MRTFB: variants seen among roughly 807,000 people sequenced by gnomAD.
MRTFB encodes myocardin-related transcription factor B.
In MRTFB, 29 loss-of-function variants were observed where a neutral mutation model predicts 104.2. That is an observed-to-expected ratio of 0.28 (90% CI 0.21 to 0.38). The LOEUF (loss-of-function observed/expected upper bound fraction) is 0.38, where lower values mean the gene tolerates loss of function less well. MRTFB is among the 10% of genes least tolerant of loss of function. The pLI is 1.00. For missense variants in MRTFB, 1,270 were observed against 1,341.6 expected, an observed-to-expected ratio of 0.95 and a Z score of 0.83; for synonymous variants, 535 against 519.5, an observed-to-expected ratio of 1.03 and a Z score of -0.41.
the MRTFB span, among the ~76,000 whole-genome samples, chr16:14,035,472 TAGGAGTAG>T: frequency 2.0e-5 from 3 of 152,330 alleles, no homozygotes; most frequent in Admixed American, 2.0e-4. Context: ...TGGCTTTTGA[TAGGAGTAG>T]AGTGGCAGTC....
At position 14,218,875 on chromosome 16, in the gene MRTFB, C is replaced by T. The variant is rs750206940; in HGVS notation, c.570C>T (p.Asp190=). 3 of 1,613,974 alleles carry T rather than the reference C, an allele frequency of 1.9e-6. No individual in the cohort carries two copies. The highest frequency in any genetic ancestry group is 2.2e-5 in the East Asian group (1 of 44,878). ...AGGGCGATTTCTCATTTGATGAAGA[C>T]AGCAGTGACGCTTTGTCTCCGGACC... ...HTQGDFSFDE[D]SSDALSPDQP... Residue 190 remains aspartate, a synonymous_variant, in exon 8 of 17, where the codon GAC becomes GAT. Coordinates refer to ENST00000571589, the MANE Select transcript of MRTFB (RefSeq NM_001308142.2).
chr16:14,026,705 T>G, the MRTFB span, among the ~76,000 whole-genome samples: 1 of 152,092 alleles, frequency 6.6e-6, no homozygotes, highest in Non-Finnish European at 1.5e-5. Flanking sequence ...ACTCAGTGGT[T>G]GAAAATAAGA....
the MRTFB span, among the ~76,000 whole-genome samples, chr16:14,052,030 G>A: frequency 6.6e-6 from 1 of 152,170 alleles, no homozygotes; most frequent in Non-Finnish European, 1.5e-5. Context: ...GAAAAGACCA[G>A]CAGAGAGACT....
rs778733983 is a variant in MRTFB at position 14,252,029 on chromosome 16, C to A, written c.2565+6C>A. ...GACCTAACACACCCAACAAGGTAAC[C>A]CTGTGAGGCTTGTGTGTCAGTGACA... On this transcript the variant is annotated splice_donor_region_variant and intron_variant, in intron 14 of 16. Transcript: ENST00000571589. The A allele has an allele frequency of 2.7e-5, 44 of 1,613,330 alleles. 1 individual carries two copies. In the Admixed American group the frequency reaches 7.3e-4, roughly 27 times the overall value.
chr16:14,001,003 ATGT>A, the MRTFB span, among the ~76,000 whole-genome samples: 46 of 152,230 alleles, frequency 3.0e-4, no homozygotes, highest in African/African-American at 9.9e-4. Context: ...GATCATCTAA[ATGT>A]TGGAGCTTCC....
the MRTFB span, among the ~76,000 whole-genome samples, chr16:14,032,377 GT>G: frequency 1.3e-5 from 2 of 152,216 alleles, no homozygotes; most frequent in Non-Finnish European, 2.9e-5. Flanking sequence ...TGCTAGGAGA[GT>G]GATGTGTTCA....
chr16:14,040,028 G>A, the MRTFB span, among the ~76,000 whole-genome samples: 21 of 152,282 alleles, frequency 1.4e-4, no homozygotes, highest in South Asian at 2.1e-4. Context: ...GATTATAGGC[G>A]TGAGCCACCG....
At chr16:14,085,825 A>C (rs931971507) in intron 2 of MRTFB, among the ~76,000 whole-genome samples, 1 of 152,230 alleles carries the variant, frequency 6.6e-6, no homozygotes, top group Non-Finnish European at 1.5e-5. Flanking sequence ...AATTATAGTG[A>C]TACTTGCTAC....
intron 3 of MRTFB, among the ~76,000 whole-genome samples, chr16:14,190,060 C>T (rs1239759938): frequency 6.6e-6 from 1 of 152,164 alleles, no homozygotes; most frequent in Admixed American, 6.5e-5. Flanking sequence ...CATCACAGTG[C>T]AGAGAATTGT....
the MRTFB span, among the ~76,000 whole-genome samples, chr16:14,029,415 AAAAAAT>A: frequency 2.9e-5 from 2 of 67,894 alleles, no homozygotes; most frequent in African/African-American, 8.1e-5. Context: ...TAAAAAAAAA[AAAAAAT>A]ATATATATAT....
intron 5 of MRTFB, among the ~76,000 whole-genome samples, chr16:14,212,810 C>T (rs1246437137): frequency 6.6e-6 from 1 of 152,160 alleles, no homozygotes; most frequent in Non-Finnish European, 1.5e-5. Context: ...TCTTTGTTAC[C>T]TGTACATTTG....
chr16:14,137,103 G>A (rs1007037439), intron 2 of MRTFB, among the ~76,000 whole-genome samples: 1 of 152,012 alleles, frequency 6.6e-6, no homozygotes, highest in Non-Finnish European at 1.5e-5. Flanking sequence ...AATTATTGAC[G>A]ACTATACAGA....
intron 2 of MRTFB, among the ~76,000 whole-genome samples, chr16:14,114,767 G>A (rs1265600213): frequency 2.0e-5 from 3 of 152,092 alleles, no homozygotes; most frequent in East Asian, 1.9e-4. Context: ...TTGGGTCCCC[G>A]CTGCTGTGTA....
intron 1 of MRTFB, among the ~76,000 whole-genome samples, chr16:14,073,374 C>A (rs555784716): frequency 6.6e-6 from 1 of 152,278 alleles, no homozygotes; most frequent in East Asian, 1.9e-4. Flanking sequence ...GGGGGCAGTT[C>A]CAGCTCCTTG....
At chr16:14,111,791 G>A (rs903534727) in intron 2 of MRTFB, among the ~76,000 whole-genome samples, 6 of 152,066 alleles carry the variant, frequency 3.9e-5, no homozygotes, top group Admixed American at 2.6e-4. Flanking sequence ...GTCCTCTGGC[G>A]CCTCTTTCTA....
At chr16:14,033,835 C>CAA in the MRTFB span, among the ~76,000 whole-genome samples, 33 of 90,308 alleles carry the variant, frequency 3.7e-4, no homozygotes, top group Non-Finnish European at 4.2e-4. Context: ...GACTCAGTCT[C>CAA]AAAAAAAAAA....
At chr16:14,246,394 C>T in intron 11 of MRTFB, 79 bp from the exon 12 acceptor site, 1 of 1,425,520 alleles carries the variant, frequency 7.0e-7, no homozygotes, top group East Asian at 2.3e-5. Context: ...GACATAGGCA[C>T]CTTTCCCATC....
chr16:14,103,543 C>T (rs2035810292), intron 2 of MRTFB, among the ~76,000 whole-genome samples: 1 of 152,070 alleles, frequency 6.6e-6, no homozygotes, highest in Non-Finnish European at 1.5e-5. Flanking sequence ...CTTTATGGGA[C>T]CCTGGAATAC....
upstream of MRTFB, among the ~76,000 whole-genome samples, chr16:14,067,351 AAGC>A (rs2033535442): frequency 6.6e-6 from 1 of 151,598 alleles, no homozygotes; most frequent in Non-Finnish European, 1.5e-5. Context: ...ACCTCCAGAG[AAGC>A]TGGGATTATA....
Sources: gnomAD v4.1 joint callset for allele counts (sites outside exome capture counted in the v4.1 genomes callset) on GRCh38, gnomAD v4.1.1 for gene constraint, MANE v1.5 for transcripts, NCBI Gene and HGNC (gene_info 2026-07-23, HGNC 2026-07-21) for gene names.